LAPTM4B: variants seen among roughly 807,000 people sequenced by gnomAD.
LAPTM4B encodes the protein lysosomal protein transmembrane 4 beta.
In LAPTM4B, 26 loss-of-function variants were observed where a neutral mutation model predicts 28.5. That is an observed-to-expected ratio of 0.91 (90% CI 0.67 to 1.27). The LOEUF (loss-of-function observed/expected upper bound fraction) is 1.27. Among genes scored for constraint, LAPTM4B ranks in the 50% most tolerant of loss-of-function variants. LAPTM4B has a pLI of 0.00. For missense variants in LAPTM4B, 288 were observed against 285.8 expected (o/e 1.01, Z -0.06); for synonymous variants, 109 against 106.4 (o/e 1.02, Z -0.15).
intron 6 of LAPTM4B, 35 bp downstream of exon 6, chr8:97,825,188 C>T (rs1032869521): frequency 2.7e-6 from 3 of 1,113,386 alleles, no homozygotes; most frequent in Non-Finnish European, 4.1e-6. Flanking sequence ...GAGATCTCGC[C>T]CACACCTTTA....
chr8:97,821,393 C>T (rs999485263), intron 5 of LAPTM4B, among the ~76,000 whole-genome samples: 2 of 151,992 alleles, frequency 1.3e-5, no homozygotes, highest in African/African-American at 4.8e-5. Context: ...TGAAGTCCGG[C>T]GGAGTCAGAG....
chr8:97,851,303 A>G (rs1563626040), intron 6 of LAPTM4B, 94 bp from the exon 7 acceptor site: 2 of 956,444 alleles, frequency 2.1e-6, no homozygotes, highest in Admixed American at 1.8e-5. Flanking sequence ...GTTGTGGAAC[A>G]TGTTTAGTTG....
rs1441655892 is a variant in LAPTM4B, at chr8:97,810,579, G to C, written c.212-4749G>C. ...GGTAGTTCAGTCCACTGACCTAGAA[G>C]CTCAAAGAGTAATGTTTGAAAAGCA... On this transcript the variant is annotated intron_variant, in intron 2 of 6. Coordinates refer to ENST00000521545, the MANE Select transcript of LAPTM4B (RefSeq NM_018407.6). Among the ~76,000 whole-genome samples the C allele has an allele frequency of 2.6e-5, 4 of 152,298 alleles. 1 individual carries two copies. Among genetic ancestry groups the C allele is most frequent in the African/African-American group, 9.6e-5 (4 of 41,564 alleles).
chr8:97,837,349 T>A (rs976367858), intron 6 of LAPTM4B, among the ~76,000 whole-genome samples: 1 of 152,056 alleles, frequency 6.6e-6, no homozygotes, highest in Admixed American at 6.6e-5. Flanking sequence ...CATGCCACTA[T>A]GCCTGGCTAA....
intron 1 of LAPTM4B, among the ~76,000 whole-genome samples, chr8:97,777,670 T>G (rs1262943766): frequency 6.6e-6 from 1 of 152,224 alleles, no homozygotes; most frequent in African/African-American, 2.4e-5. Context: ...AATATAAATT[T>G]TTGGCGTGAA....
At chr8:97,845,015 C>G (rs897843235) in intron 6 of LAPTM4B, among the ~76,000 whole-genome samples, 2 of 152,136 alleles carry the variant, frequency 1.3e-5, no homozygotes, top group Admixed American at 6.5e-5. Flanking sequence ...CACTTTTTCA[C>G]CCCAGCAGAA....
chr8:97,813,440 C>G (rs1367254366), intron 2 of LAPTM4B, among the ~76,000 whole-genome samples: 1 of 46,828 alleles, frequency 2.1e-5, no homozygotes, highest in Non-Finnish European at 5.5e-5. Flanking sequence ...GGTACCCATA[C>G]AGATTGAGGG....
intron 6 of LAPTM4B, among the ~76,000 whole-genome samples, chr8:97,849,707 G>C (rs1201244084): frequency 6.6e-6 from 1 of 152,140 alleles, no homozygotes; most frequent in Non-Finnish European, 1.5e-5. Context: ...AGCTTGACAT[G>C]GGCTGGGCCT....
chr8:97,793,831 G>T (rs1327213485), intron 1 of LAPTM4B, among the ~76,000 whole-genome samples: 1 of 152,160 alleles, frequency 6.6e-6, no homozygotes, highest in African/African-American at 2.4e-5. Flanking sequence ...TAAGAGTTGG[G>T]GTTCTTGCTC....
chr8:97,823,136 C>T (rs112020106), intron 5 of LAPTM4B, among the ~76,000 whole-genome samples: 133 of 152,126 alleles, frequency 8.7e-4, no homozygotes, highest in African/African-American at 2.8e-3. Flanking sequence ...CCACAATGCC[C>T]GGCCCACTAA....
At chr8:97,815,218 AACTT>A in intron 2 of LAPTM4B, 106 bp from the exon 3 acceptor site, 1 of 749,104 alleles carries the variant, frequency 1.3e-6, no homozygotes. Context: ...AGTATTTACT[AACTT>A]TATGCTAGTT....
intron 6 of LAPTM4B, among the ~76,000 whole-genome samples, chr8:97,827,082 TG>T (rs1308734834): frequency 6.6e-6 from 1 of 152,188 alleles, no homozygotes; most frequent in Non-Finnish European, 1.5e-5. Context: ...CCATATTGCA[TG>T]TGCTTGTTTT....
At chr8:97,801,882 C>A (rs978883752) in intron 1 of LAPTM4B, among the ~76,000 whole-genome samples, 1 of 150,800 alleles carries the variant, frequency 6.6e-6, no homozygotes, top group Non-Finnish European at 1.5e-5. Flanking sequence ...ATTGAAATGC[C>A]AAGAAAACTT....
intron 6 of LAPTM4B, among the ~76,000 whole-genome samples, chr8:97,832,918 C>G (rs138708904): frequency 0.39 from 58,059 of 148,736 alleles, 12,476 homozygotes; most frequent in Middle Eastern, 0.5. Flanking sequence ...GTTGGCCAGG[C>G]TGGTCTCGAA....
intron 1 of LAPTM4B, among the ~76,000 whole-genome samples, chr8:97,776,995 A>G (rs1016192437): frequency 6.6e-6 from 1 of 152,068 alleles, no homozygotes; most frequent in African/African-American, 2.4e-5. Context: ...ACCAGCACTG[A>G]GTCGGATTCC....
chr8:97,810,099 T>G (rs1255596123), intron 2 of LAPTM4B, among the ~76,000 whole-genome samples: 2 of 152,016 alleles, frequency 1.3e-5, no homozygotes, highest in Non-Finnish European at 2.9e-5. Context: ...CTGGCTAATT[T>G]TTTGTAGAGA....
At chr8:97,800,987 A>C (rs1369377944) in intron 1 of LAPTM4B, among the ~76,000 whole-genome samples, 1 of 151,952 alleles carries the variant, frequency 6.6e-6, no homozygotes, top group African/African-American at 2.4e-5. Context: ...AAGTAGCCCT[A>C]CGGGACCCCA....
intron 1 of LAPTM4B, among the ~76,000 whole-genome samples, chr8:97,800,656 C>A (rs1816660663): frequency 6.6e-6 from 1 of 151,626 alleles, no homozygotes; most frequent in Non-Finnish European, 1.5e-5. Flanking sequence ...ACCACCATGC[C>A]CGGCTAATTT....
At chr8:97,790,717 CT>C (rs1291151548) in intron 1 of LAPTM4B, among the ~76,000 whole-genome samples, 1 of 152,144 alleles carries the variant, frequency 6.6e-6, no homozygotes, top group Non-Finnish European at 1.5e-5. Context: ...AAGTGTTGGA[CT>C]ATGGGCGTGA....
Sources: allele counts gnomAD v4.1 joint callset (sites outside exome capture counted in the v4.1 genomes callset), GRCh38; gene constraint gnomAD v4.1.1; transcripts MANE v1.5; gene names NCBI Gene and HGNC (gene_info 2026-07-23, HGNC 2026-07-21).